ARMH4: variants seen among roughly 807,000 people sequenced by gnomAD.
The protein encoded by ARMH4 is armadillo like helical domain containing 4, also known as armadillo-like helical domain-containing protein 4.
ARMH4 carries 49 observed loss-of-function variants against 61.9 expected under a neutral mutation model. The observed-to-expected ratio is 0.79, with a 90% CI of 0.63 to 1.00. ARMH4 has a LOEUF of 1.00. ARMH4 is among the 50% of genes least tolerant of loss of function. The pLI, the probability that ARMH4 is intolerant of heterozygous loss-of-function variation, is 0.00. For missense variants in ARMH4, 934 were observed against 930.0 expected, an observed-to-expected ratio of 1.00 and a Z score of -0.06; for synonymous variants, 368 against 341.5, an observed-to-expected ratio of 1.08 and a Z score of -0.85.
chr14:58,005,352 CAG>C (rs987977887), intron 6 of ARMH4, among the ~76,000 whole-genome samples, 170 bp from the exon 7 acceptor site: 1 of 152,098 alleles, frequency 6.6e-6, no homozygotes, highest in African/African-American at 2.4e-5. Flanking sequence ...GAGAAGGCAA[CAG>C]AGAGAGAGAC....
At chr14:58,068,555 T>C (rs1022583557) in intron 5 of ARMH4, among the ~76,000 whole-genome samples, 1 of 152,086 alleles carries the variant, frequency 6.6e-6, no homozygotes, top group South Asian at 2.1e-4. Context: ...AACACAGAAG[T>C]GGATTTCAGA....
intron 1 of ARMH4, among the ~76,000 whole-genome samples, chr14:58,149,605 CAAAT>C (rs1419146576): frequency 6.6e-6 from 1 of 152,168 alleles, no homozygotes; most frequent in Admixed American, 6.5e-5. Context: ...GTGATGTAGA[CAAAT>C]GAAGATATCC....
At chr14:58,032,347 C>A (rs1168625250) in intron 5 of ARMH4, among the ~76,000 whole-genome samples, 1 of 152,144 alleles carries the variant, frequency 6.6e-6, no homozygotes, top group East Asian at 1.9e-4. Context: ...AAGGGTAAGT[C>A]TATTGGACTC....
intron 5 of ARMH4, among the ~76,000 whole-genome samples, chr14:58,022,769 T>C (rs1882886176): frequency 6.6e-6 from 1 of 152,182 alleles, no homozygotes; most frequent in Non-Finnish European, 1.5e-5. Context: ...CCCTTTGCCA[T>C]ACCAATTTCA....
chr14:58,076,991 C>G (rs1238618502), intron 5 of ARMH4, among the ~76,000 whole-genome samples: 1 of 152,172 alleles, frequency 6.6e-6, no homozygotes, highest in Non-Finnish European at 1.5e-5. Context: ...TGATGTCTGC[C>G]TATACCATAA....
chr14:58,014,449 A>G (rs2141137071), intron 5 of ARMH4, among the ~76,000 whole-genome samples: 1 of 152,310 alleles, frequency 6.6e-6, no homozygotes, highest in South Asian at 2.1e-4. Flanking sequence ...CTGGACCCAC[A>G]GCTTCCTTAT....
chr14:58,145,438 G>A (rs1762010123), intron 1 of ARMH4, among the ~76,000 whole-genome samples: 1 of 152,190 alleles, frequency 6.6e-6, no homozygotes, highest in African/African-American at 2.4e-5. Context: ...AAATGGTGGA[G>A]CAGATGCTTT....
intron 5 of ARMH4, among the ~76,000 whole-genome samples, chr14:58,063,568 T>C (rs1793938083): frequency 6.6e-6 from 1 of 150,652 alleles, no homozygotes; most frequent in South Asian, 2.1e-4. Context: ...AAAATCTGAT[T>C]ATCTGCATCC....
chr14:58,147,831 T>C (rs1443587983), intron 1 of ARMH4, among the ~76,000 whole-genome samples: 1 of 152,212 alleles, frequency 6.6e-6, no homozygotes, highest in Non-Finnish European at 1.5e-5. Context: ...TGTCTGTTTT[T>C]GATCTTTTGG....
At chr14:58,086,894 A>G (rs993047850) in intron 5 of ARMH4, among the ~76,000 whole-genome samples, 1 of 152,228 alleles carries the variant, frequency 6.6e-6, no homozygotes, top group African/African-American at 2.4e-5. Context: ...AACTATTCCA[A>G]GAAAGAAAAA....
intron 3 of ARMH4, among the ~76,000 whole-genome samples, chr14:58,132,462 C>CG (rs1887140693): frequency 8.1e-6 from 1 of 123,174 alleles, no homozygotes; most frequent in South Asian, 2.5e-4. Context: ...TTCACCTCAT[C>CG]CCCCCCGGCT....
chr14:58,121,334 A>G (rs1183894635), intron 4 of ARMH4, among the ~76,000 whole-genome samples: 2 of 152,216 alleles, frequency 1.3e-5, no homozygotes, highest in Non-Finnish European at 2.9e-5. Context: ...CTTACCAAGC[A>G]GTGCCGGACT....
At chr14:58,013,286 G>A (rs1566539513) in intron 5 of ARMH4, among the ~76,000 whole-genome samples, 2 of 152,268 alleles carry the variant, frequency 1.3e-5, no homozygotes, top group African/African-American at 2.4e-5. Flanking sequence ...ATAAATAAAT[G>A]GGTTCAGCTA....
Position 58,036,955 on chromosome 14 carries a change from C to T in ARMH4, c.2090-24805G>A, listed in dbSNP as rs1478896484. On this transcript the variant is annotated intron_variant, in intron 5 of 7. Transcript: ENST00000267485. ...GCTCATGGGTAGGAAGAATCAATAT[C>T]GTGAAAACGGCCATACTGCCCAAGG... Among the ~76,000 whole-genome samples the T allele has an allele frequency of 5.0e-5, 6 of 119,476 alleles. 1 individual carries two copies. In the South Asian group the frequency reaches 8.3e-4, roughly 16 times the overall value. 78.4% of individuals were successfully genotyped at this position (119,476 alleles called of 152,430 possible).
chr14:58,041,383 C>T (rs1266071729), intron 5 of ARMH4, among the ~76,000 whole-genome samples: 2 of 152,126 alleles, frequency 1.3e-5, no homozygotes, highest in South Asian at 2.1e-4. Context: ...ACTTTACAGA[C>T]AAGCAAATGC....
At chr14:58,050,147 A>G (rs1884088164) in intron 5 of ARMH4, among the ~76,000 whole-genome samples, 1 of 152,202 alleles carries the variant, frequency 6.6e-6, no homozygotes, top group Non-Finnish European at 1.5e-5. Flanking sequence ...GCTGGCTTCA[A>G]GTGAAGCATT....
Position 58,001,355 on chromosome 14 carries a change from A to T in ARMH4, c.*3381T>A, listed in dbSNP as rs1193947251. The T allele has an allele frequency of 2.0e-5, 3 of 152,204 alleles. No homozygotes were observed. Among genetic ancestry groups the T allele is most frequent in the African/African-American group, 7.2e-5 (3 of 41,450 alleles). The allele number at this position is 152,204 out of a possible 1,614,324, so 9.4% of individuals were successfully genotyped here. ...TGTGAATAATATGCTTATAAGCATA[A>T]GCAATGAACACAGGCGTACAGATAC... On this transcript the variant is annotated 3_prime_UTR_variant, in exon 8 of 8. Transcript: ENST00000267485.
At chr14:58,085,395 A>G (rs1285599779) in intron 5 of ARMH4, among the ~76,000 whole-genome samples, 2 of 111,208 alleles carry the variant, frequency 1.8e-5, no homozygotes, top group Non-Finnish European at 4.1e-5. Flanking sequence ...AGATGTTTTC[A>G]TATTTCAATA....
rs529535016 is a variant in ARMH4 at position 58,062,030 on chromosome 14, A to G, written c.2089+34694T>C. ...GGCTCAGAAAGTCTAGCTTCTTCAA[A>G]ATCACTCACTTAAGAAGAGCAAAGG... On this transcript the variant is annotated intron_variant, in intron 5 of 7. Transcript: ENST00000267485. 2.0e-4 allele frequency among the ~76,000 whole-genome samples: 30 copies of G among 152,184 alleles called. 1 individual carries two copies. In the South Asian group the frequency reaches 6.2e-3, roughly 32 times the overall value.
Sources: gnomAD v4.1 joint callset for allele counts (sites outside exome capture counted in the v4.1 genomes callset) on GRCh38, gnomAD v4.1.1 for gene constraint, MANE v1.5 for transcripts, NCBI Gene and HGNC (gene_info 2026-07-23, HGNC 2026-07-21) for gene names.